Variants in AATF observed in about 807,000 individuals in gnomAD.
AATF encodes the protein apoptosis antagonizing transcription factor, also known as protein AATF.
A neutral mutation model predicts 63.7 loss-of-function variants in AATF; 48 were observed. The ratio of observed to expected loss-of-function variants is 0.75; its 90% CI spans 0.60 to 0.96. The LOEUF (loss-of-function observed/expected upper bound fraction) is 0.96. AATF is among the 40% of genes least tolerant of loss of function. The pLI is 0.00. For missense variants in AATF, 639 were observed against 685.7 expected (o/e 0.93, Z 0.76); for synonymous variants, 258 against 247.7 (o/e 1.04, Z -0.39).
At chr17:37,021,057 G>A in intron 10 of AATF, 43 bp downstream of exon 10, 2 of 1,403,228 alleles carry the variant, frequency 1.4e-6, no homozygotes, top group Non-Finnish European at 9.8e-7. Flanking sequence ...TATTGTATAT[G>A]TATCTCGTCT....
At chr17:36,967,061 T>A (rs1056954728) in intron 4 of AATF, among the ~76,000 whole-genome samples, 6 of 152,170 alleles carry the variant, frequency 3.9e-5, no homozygotes, top group African/African-American at 1.4e-4. Context: ...GTTATATCTT[T>A]TTTTGTTTTT....
Position 37,050,885 on chromosome 17 carries a change from C to G in AATF, c.1620-5716C>G, listed in dbSNP as rs115787211. Among the ~76,000 whole-genome samples the G allele has an allele frequency of 4.6e-3, 707 of 152,302 alleles. 1 individual carries two copies. The highest frequency in any genetic ancestry group is 0.016 in the African/African-American group (666 of 41,568). On this transcript the variant is annotated intron_variant, in intron 11 of 11. Transcript: ENST00000619387. ...AGGGAGACCCCCCACTCCTAAGAAG[C>G]AACAAATGAACAATTTTTAATTAGT...
chr17:37,021,664 G>T (rs1289406994), intron 10 of AATF, among the ~76,000 whole-genome samples: 1 of 83,198 alleles, frequency 1.2e-5, no homozygotes, highest in East Asian at 2.7e-4. Flanking sequence ...AATTAGCCGG[G>T]CGTAGTGGCG....
At chr17:36,951,085 G>T (rs1418792912) in intron 2 of AATF, among the ~76,000 whole-genome samples, 1 of 152,208 alleles carries the variant, frequency 6.6e-6, no homozygotes, top group Non-Finnish European at 1.5e-5. Flanking sequence ...TTAGGAGTCT[G>T]TGCGCTTATA....
At chr17:36,968,270 C>CTTTTTT (rs3049638) in intron 4 of AATF, among the ~76,000 whole-genome samples, 680 of 23,616 alleles carry the variant, frequency 0.029, 12 homozygotes, top group Non-Finnish European at 0.038. Flanking sequence ...TTCCTTCTTT[C>CTTTTTT]TTTTTTTTTT....
At chr17:37,046,432 C>CT (rs2071691772) in intron 11 of AATF, among the ~76,000 whole-genome samples, 1 of 152,038 alleles carries the variant, frequency 6.6e-6, no homozygotes, top group African/African-American at 2.4e-5. Context: ...CGGGGGGAGA[C>CT]TTCCGGGTAG....
chr17:36,971,519 A>G (rs963899647), intron 4 of AATF, among the ~76,000 whole-genome samples: 2 of 152,242 alleles, frequency 1.3e-5, no homozygotes, highest in Non-Finnish European at 2.9e-5. Context: ...GGCAGTTTTT[A>G]AATAAAGCTA....
At chr17:36,959,889 A>G (rs1038209592) in intron 4 of AATF, among the ~76,000 whole-genome samples, 2 of 152,138 alleles carry the variant, frequency 1.3e-5, no homozygotes, top group Non-Finnish European at 2.9e-5. Context: ...GAGTATGAAA[A>G]CAGATTTCAC....
intron 11 of AATF, among the ~76,000 whole-genome samples, chr17:37,051,464 G>C (rs1351800876): frequency 6.6e-6 from 1 of 152,174 alleles, no homozygotes; most frequent in African/African-American, 2.4e-5. Flanking sequence ...GATCTGTATT[G>C]TGGTGGGGTG....
At chr17:37,042,632 G>T (rs1033776096) in intron 11 of AATF, among the ~76,000 whole-genome samples, 3 of 148,002 alleles carry the variant, frequency 2.0e-5, no homozygotes, top group East Asian at 2.0e-4. Context: ...TGCCCCAGCT[G>T]GTCTTGAACT....
At chr17:36,970,766 T>C (rs916657071) in intron 4 of AATF, among the ~76,000 whole-genome samples, 6 of 151,904 alleles carry the variant, frequency 3.9e-5, no homozygotes, top group Non-Finnish European at 7.4e-5. Flanking sequence ...GGTCTCGAAC[T>C]CCTGCCCTCC....
chr17:37,044,943 A>G (rs772656199), intron 11 of AATF, among the ~76,000 whole-genome samples: 3 of 152,220 alleles, frequency 2.0e-5, no homozygotes, highest in Non-Finnish European at 2.9e-5. Context: ...GCTTTCGGTC[A>G]GTGTTCTGGA....
At chr17:36,953,701 C>T in intron 3 of AATF, 69 bp from the exon 4 acceptor site, 1 of 1,503,246 alleles carries the variant, frequency 6.7e-7, no homozygotes. Context: ...CTGTTCTTCC[C>T]CACCCCTGCC....
chr17:37,013,511 A>C (rs1257221425), intron 8 of AATF, among the ~76,000 whole-genome samples: 1 of 152,188 alleles, frequency 6.6e-6, no homozygotes, highest in Non-Finnish European at 1.5e-5. Context: ...TGGCATGTGC[A>C]GAGATCACGT....
chr17:37,052,567 G>T (rs1050198131), intron 11 of AATF: 1 of 152,284 alleles, frequency 6.6e-6, no homozygotes, highest in African/African-American at 2.4e-5. Flanking sequence ...TCACACTGGG[G>T]TATGCAGAGA....
chr17:37,044,336 T>C lies in AATF; in HGVS notation c.1620-12265T>C, dbSNP rs977939028. On this transcript the variant is annotated intron_variant, in intron 11 of 11. Transcript: ENST00000619387. ...ACCGCTTGAGGGCCGGCTCCTTATT[T>C]TGTTCTTAGCTCATGGCAATGTTGG... Among the ~76,000 whole-genome samples, 6 of 152,286 alleles carry C rather than the reference T, an allele frequency of 3.9e-5. No homozygotes were observed. The South Asian group carries it at 6.2e-4, about 16-fold the overall frequency.
Position 36,950,376 on chromosome 17 carries a change from A to AT in AATF, c.256dup (p.Trp86LeufsTer10), listed in dbSNP as rs1567961552. 1 of 1,614,190 alleles carries AT rather than the reference A, an allele frequency of 6.2e-7. No homozygotes were observed. Among genetic ancestry groups the AT allele is most frequent in the Non-Finnish European group, 8.5e-7 (1 of 1,180,022 alleles). On this transcript the variant is annotated frameshift_variant, in exon 2 of 12. Coordinates refer to ENST00000619387, the MANE Select transcript of AATF (RefSeq NM_012138.4). LOFTEE classifies it high-confidence loss of function. ...TCTAGAAAAGCATGGAATGAAGACC[A>AT]TTGGGAGCAGACTCTGCCAGGATCG...
At chr17:37,051,577 C>T (rs1360022909) in intron 11 of AATF, among the ~76,000 whole-genome samples, 1 of 152,052 alleles carries the variant, frequency 6.6e-6, no homozygotes, top group African/African-American at 2.4e-5. Context: ...GCTTTTAAAA[C>T]CTTACCTGCC....
intron 10 of AATF, among the ~76,000 whole-genome samples, chr17:37,028,187 G>T (rs2071524468): frequency 6.6e-6 from 1 of 151,948 alleles, no homozygotes; most frequent in African/African-American, 2.4e-5. Flanking sequence ...TGAGGTGGGA[G>T]GATCACTTGA....
Sources: gnomAD v4.1 joint callset for allele counts (sites outside exome capture counted in the v4.1 genomes callset) on GRCh38, gnomAD v4.1.1 for gene constraint, MANE v1.5 for transcripts, NCBI Gene and HGNC (gene_info 2026-07-23, HGNC 2026-07-21) for gene names.